SGCD: variants seen among roughly 807,000 people sequenced by gnomAD.
The protein encoded by SGCD is delta-sarcoglycan.
In SGCD, 18 loss-of-function variants were observed where a neutral mutation model predicts 36.6. The observed-to-expected ratio is 0.49, with a 90% confidence interval of 0.34 to 0.73. The LOEUF is 0.73. Ranked by LOEUF, SGCD falls within the 30% of genes least tolerant of loss-of-function variation. The pLI, the probability that SGCD is intolerant of heterozygous loss-of-function variation, is 0.01. For synonymous variants in SGCD, 133 were observed against 130.6 expected, an observed-to-expected ratio of 1.02 and a Z score of -0.12; for missense variants, 387 against 346.7, an observed-to-expected ratio of 1.12 and a Z score of -0.92.
chr5:156,469,103 G>A (rs907796339), intron 3 of SGCD, among the ~76,000 whole-genome samples: 1 of 152,132 alleles, frequency 6.6e-6, no homozygotes, highest in Non-Finnish European at 1.5e-5. Context: ...TTTGCTTATT[G>A]CAAGGCATGG....
rs574881324 is a variant in SGCD, at chr5:156,308,996, A to T, written c.-43-20538A>T. Among the ~76,000 whole-genome samples, 40 of 152,166 alleles carry T rather than the reference A, an allele frequency of 2.6e-4. 1 individual carries two copies. The South Asian group carries it at 7.7e-3, about 29-fold the overall frequency. On this transcript the variant is annotated intron_variant, in intron 3 of 9. Coordinates refer to the SGCD transcript ENST00000517913. ...GAATGTATCCGCCCACTAACTTTTG[A>T]TGAGAAAGTTGCTAATAAATTTATT...
chr5:156,366,924 T>G (rs1198254736), intron 3 of SGCD, among the ~76,000 whole-genome samples: 2 of 152,222 alleles, frequency 1.3e-5, no homozygotes, highest in East Asian at 3.8e-4. Context: ...CAAGAATGTT[T>G]TAGTCAGATA....
At chr5:156,075,367 A>T (rs1760743441) in intron 1 of SGCD, among the ~76,000 whole-genome samples, 1 of 152,100 alleles carries the variant, frequency 6.6e-6, no homozygotes, top group Non-Finnish European at 1.5e-5. Context: ...AAAAACTACA[A>T]ACATTTGACA....
chr5:156,723,385 CTATT>C (rs1378159898), intron 7 of SGCD, among the ~76,000 whole-genome samples: 1 of 152,180 alleles, frequency 6.6e-6, no homozygotes, highest in Non-Finnish European at 1.5e-5. Context: ...CATTCAACAC[CTATT>C]TATTATAGAC....
the SGCD span, among the ~76,000 whole-genome samples, chr5:155,742,822 C>T: frequency 4.6e-5 from 7 of 152,242 alleles, no homozygotes; most frequent in Non-Finnish European, 1.0e-4. Flanking sequence ...GTGACTTGTG[C>T]TTCTGACCAA....
At chr5:156,608,789 C>A (rs1439130443) in intron 6 of SGCD, among the ~76,000 whole-genome samples, 1 of 152,182 alleles carries the variant, frequency 6.6e-6, no homozygotes, top group East Asian at 1.9e-4. Flanking sequence ...ATCCCTTTAC[C>A]ATTATGTAAT....
chr5:156,680,105 G>C (rs1753665606), intron 7 of SGCD, among the ~76,000 whole-genome samples: 3 of 152,040 alleles, frequency 2.0e-5, no homozygotes, highest in African/African-American at 7.2e-5. Flanking sequence ...AAACTTTAAG[G>C]GAAAATAATT....
chr5:155,941,864 C>G lies in SGCD; in HGVS notation c.-282+71440C>G, dbSNP rs150838176. ...TAAGACAATGTTTCACAATCTATTT[C>G]ATATTGTAGCATACTCAGAAAATGA... On this transcript the variant is annotated intron_variant, in intron 1 of 9. Coordinates refer to the SGCD transcript ENST00000517913. 8.5e-5 allele frequency among the ~76,000 whole-genome samples: 13 copies of G among 152,224 alleles called. No individual in the cohort carries two copies. The East Asian group carries it at 2.5e-3, about 29-fold the overall frequency.
chr5:156,309,394 T>C (rs995685738), intron 3 of SGCD, among the ~76,000 whole-genome samples: 1 of 152,056 alleles, frequency 6.6e-6, no homozygotes, highest in Non-Finnish European at 1.5e-5. Context: ...TGCTATATTT[T>C]CTTCAAAATT....
rs1025971425 is a variant in SGCD at position 156,763,834 on chromosome 5, C to T, written c.*4444C>T. 6.6e-6 allele frequency: 1 copy of T among 151,962 alleles called. No homozygotes were observed. The highest frequency in any genetic ancestry group is 2.4e-5 in the African/African-American group (1 of 41,338). The allele number at this position is 151,962 out of a possible 1,614,324, so 9.4% of individuals were successfully genotyped here. On this transcript the variant is annotated 3_prime_UTR_variant, in exon 9 of 9. Coordinates refer to ENST00000337851, the MANE Select transcript of SGCD (RefSeq NM_000337.6). ...CCATTTACCAGACCCTAATCAAAGT[C>T]ACTTAAGGGAATCCCTCAGCCTTTT...
chr5:155,923,437 C>A (rs928107968), intron 1 of SGCD, among the ~76,000 whole-genome samples: 1 of 152,108 alleles, frequency 6.6e-6, no homozygotes, highest in Non-Finnish European at 1.5e-5. Flanking sequence ...CAATCTGAAC[C>A]ACAAAGACTG....
At chr5:155,798,861 A>G in the SGCD span, among the ~76,000 whole-genome samples, 1 of 152,214 alleles carries the variant, frequency 6.6e-6, no homozygotes, top group Non-Finnish European at 1.5e-5. Flanking sequence ...CTAAACCATT[A>G]CTATGATACA....
chr5:156,436,536 G>T (rs187095489), intron 3 of SGCD, among the ~76,000 whole-genome samples: 2 of 152,110 alleles, frequency 1.3e-5, no homozygotes, highest in Non-Finnish European at 2.9e-5. Flanking sequence ...AGCTAAAAGG[G>T]CCCTTGAAGA....
chr5:155,772,278 T>G, the SGCD span, among the ~76,000 whole-genome samples: 1 of 152,304 alleles, frequency 6.6e-6, no homozygotes, highest in South Asian at 2.1e-4. Context: ...TGGCCCTACT[T>G]TAGAGAAAAC....
chr5:156,385,678 G>A (rs984943367), intron 3 of SGCD, among the ~76,000 whole-genome samples: 1 of 152,184 alleles, frequency 6.6e-6, no homozygotes, highest in Non-Finnish European at 1.5e-5. Flanking sequence ...AAGAAGAAAA[G>A]GACTTCGACT....
intron 1 of SGCD, among the ~76,000 whole-genome samples, chr5:155,888,918 C>G (rs1756065038): frequency 6.6e-6 from 1 of 152,214 alleles, no homozygotes; most frequent in Admixed American, 6.5e-5. Context: ...ACAATTGGAT[C>G]TACCTTAATT....
At chr5:156,498,806 A>G (rs1434889148) in intron 3 of SGCD, among the ~76,000 whole-genome samples, 1 of 152,196 alleles carries the variant, frequency 6.6e-6, no homozygotes, top group East Asian at 1.9e-4. Flanking sequence ...TTGCTGGATC[A>G]TATGGTAACT....
chr5:155,999,859 G>C (rs1214103199), intron 1 of SGCD, among the ~76,000 whole-genome samples: 1 of 152,158 alleles, frequency 6.6e-6, no homozygotes, highest in Admixed American at 6.5e-5. Flanking sequence ...CTGTAACCAG[G>C]CTCTTTCTTA....
intron 4 of SGCD, among the ~76,000 whole-genome samples, chr5:156,548,587 T>G (rs1758672015): frequency 6.6e-6 from 1 of 152,220 alleles, no homozygotes; most frequent in Admixed American, 6.5e-5. Flanking sequence ...GCTGGGCATG[T>G]GATCTTCACC....
Sources: gnomAD v4.1 joint callset for allele counts (sites outside exome capture counted in the v4.1 genomes callset) on GRCh38, gnomAD v4.1.1 for gene constraint, MANE v1.5 for transcripts, NCBI Gene and HGNC (gene_info 2026-07-23, HGNC 2026-07-21) for gene names.